MAGI3: variants seen among roughly 807,000 people sequenced by gnomAD.
MAGI3 encodes the protein membrane-associated guanylate kinase, WW and PDZ domain-containing protein 3.
In MAGI3, 43 loss-of-function variants were observed where a neutral mutation model predicts 121.8. That is an observed-to-expected ratio of 0.35 (90% CI 0.28 to 0.46). The LOEUF (loss-of-function observed/expected upper bound fraction) is 0.46, where lower values mean the gene tolerates loss of function less well. MAGI3 is among the 20% of genes least tolerant of loss of function. MAGI3 has a pLI of 1.00. For synonymous variants in MAGI3, 553 were observed against 639.3 expected (o/e 0.86, Z 2.04); for missense variants, 1,547 against 1,797.3 (o/e 0.86, Z 2.52).
intron 4 of MAGI3, among the ~76,000 whole-genome samples, chr1:113,587,585 C>G (rs925169278): frequency 2.6e-5 from 4 of 152,128 alleles, no homozygotes; most frequent in African/African-American, 9.7e-5. Flanking sequence ...TTTATTTGTG[C>G]ACACCAGTAT....
chr1:113,505,282 T>C (rs1209506710), intron 1 of MAGI3, among the ~76,000 whole-genome samples: 1 of 152,136 alleles, frequency 6.6e-6, no homozygotes, highest in Non-Finnish European at 1.5e-5. Context: ...TTAACATCTA[T>C]CTGTATTTTT....
In MAGI3 at chr1:113,488,321, C is replaced by G. The variant is rs1318006835; in HGVS notation, c.317-61194C>G. Among the ~76,000 whole-genome samples the G allele has an allele frequency of 3.3e-5, 5 of 152,222 alleles. No homozygotes were observed. The East Asian group carries it at 7.7e-4, about 23-fold the overall frequency. ...CAGCCATCCCCATAGGCTCAACTTGCTCCTATAGGAGTCTTTAGTGCTAGG... is the reference window on the plus strand; with the variant it reads ...CAGCCATCCCCATAGGCTCAACTTGGTCCTATAGGAGTCTTTAGTGCTAGG... On this transcript the variant is annotated intron_variant, in intron 1 of 20. Transcript: ENST00000307546.
At chr1:113,600,169 G>A (rs1649276956) in intron 6 of MAGI3, among the ~76,000 whole-genome samples, 1 of 152,154 alleles carries the variant, frequency 6.6e-6, no homozygotes, top group Non-Finnish European at 1.5e-5. Flanking sequence ...CACAAGACAG[G>A]GGTGCCCTCT....
chr1:113,572,896 C>T (rs1203003007), intron 2 of MAGI3, among the ~76,000 whole-genome samples: 1 of 151,370 alleles, frequency 6.6e-6, no homozygotes, highest in Non-Finnish European at 1.5e-5. Context: ...ATCTTCAGTT[C>T]TGCTTTGATC....
At chr1:113,529,023 A>G (rs1271074434) in intron 1 of MAGI3, among the ~76,000 whole-genome samples, 2 of 152,160 alleles carry the variant, frequency 1.3e-5, no homozygotes, top group Non-Finnish European at 2.9e-5. Flanking sequence ...TAGATCTTAT[A>G]TTTAGTTTTA....
At chr1:113,679,279 G>A (rs1465853839) in intron 19 of MAGI3, among the ~76,000 whole-genome samples, 12 of 151,876 alleles carry the variant, frequency 7.9e-5, no homozygotes, top group Admixed American at 2.0e-4. Context: ...TTGTATTCCC[G>A]TGTCTGTTGT....
intron 6 of MAGI3, 48 bp from the exon 7 acceptor site, chr1:113,614,553 T>C: frequency 7.3e-7 from 1 of 1,367,544 alleles, no homozygotes; most frequent in Non-Finnish European, 1.0e-6. Context: ...TGAATTCTTT[T>C]CTGTCAGTTT....
chr1:113,549,722 A>G (rs1252525465), intron 2 of MAGI3, 91 bp downstream of exon 2: 2 of 644,194 alleles, frequency 3.1e-6, no homozygotes, highest in East Asian at 2.9e-5. Flanking sequence ...AGTATTTCAC[A>G]TGAAATTGTG....
intron 1 of MAGI3, among the ~76,000 whole-genome samples, chr1:113,471,229 A>G (rs2101539595): frequency 6.6e-6 from 1 of 152,350 alleles, no homozygotes; most frequent in Middle Eastern, 3.4e-3. Flanking sequence ...GTTAGGGCAC[A>G]AAACAAGTTT....
chr1:113,437,864 CTCTTCT>C (rs1156555683), intron 1 of MAGI3, among the ~76,000 whole-genome samples: 1,332 of 55,954 alleles, frequency 0.024, 8 homozygotes, highest in East Asian at 0.035. Context: ...CTTCTTCTTC[CTCTTCT>C]TCTTCTTCTC....
At chr1:113,487,654 A>C (rs1416777509) in intron 1 of MAGI3, among the ~76,000 whole-genome samples, 2 of 152,124 alleles carry the variant, frequency 1.3e-5, no homozygotes, top group Non-Finnish European at 2.9e-5. Context: ...ATTGAAAATA[A>C]TACATTATAA....
At position 113,642,037 on chromosome 1, in the gene MAGI3, T is replaced by G; in HGVS notation, c.1487T>G (p.Leu496Arg). Reference sequence around the variant, plus strand: ...CTCACTTTATGTCGTGGTTATCCACTTCCTGATGACAGTGAAGATCCTGTT... The same window carrying G: ...CTCACTTTATGTCGTGGTTATCCACGTCCTGATGACAGTGAAGATCCTGTT... ...VNLTLCRGYP[L>R]PDDSEDPVVD... Residue 496 changes from leucine to arginine, a missense_variant, in exon 10 of 21, where the codon CTT (leucine) becomes CGT (arginine). Leu to Arg is a moderately radical substitution (Grantham distance 102). Coordinates refer to ENST00000307546, the MANE Select transcript of MAGI3 (RefSeq NM_001142782.2). The G allele has an allele frequency of 6.2e-7, 1 of 1,614,230 alleles. No individual in the cohort carries two copies. The highest frequency in any genetic ancestry group is 1.1e-5 in the South Asian group (1 of 91,090).
Position 113,641,786 on chromosome 1 carries a change from A to G in MAGI3, c.1361-125A>G, listed in dbSNP as rs139158268. The G allele has an allele frequency of 6.8e-4, 504 of 740,678 alleles. 1 individual carries two copies. Among genetic ancestry groups the G allele is most frequent in the Non-Finnish European group, 9.9e-4 (470 of 476,886 alleles). 45.9% of individuals were successfully genotyped at this position (740,678 alleles called of 1,614,324 possible). A position where few individuals can be genotyped will look rare whatever the true frequency, so the allele number is the denominator to read the frequency against. On this transcript the variant is annotated intron_variant, in intron 9 of 20. Coordinates refer to ENST00000307546, the MANE Select transcript of MAGI3 (RefSeq NM_001142782.2). ...GTCTGTGTTAGAAATCTATCTTTTC[A>G]GCAGTTAATAGAGGTTTCCAAAATT...
intron 1 of MAGI3, among the ~76,000 whole-genome samples, chr1:113,423,227 G>A (rs1652817769): frequency 7.0e-6 from 1 of 143,400 alleles, no homozygotes; most frequent in Admixed American, 7.2e-5. Context: ...CTGCAGGCAG[G>A]TTGTCCTGGT....
In MAGI3 at chr1:113,683,576, C is replaced by T. The variant is rs1318819992; in HGVS notation, c.4008C>T (p.Val1336=). The part of the protein sequence containing the change: ...QIPDGKEKSD[V]IRKDAKQNQL... ...CAGATGGGAAGGAAAAATCAGACGT[C>T]ATCAGGAAAGATGCAAAGCAGAATC... Residue 1336 remains valine (V), a synonymous_variant, in exon 21 of 21, where the codon GTC becomes GTT. Coordinates refer to ENST00000307546, the MANE Select transcript of MAGI3 (RefSeq NM_001142782.2). 1.2e-6 allele frequency: 2 copies of T among 1,613,808 alleles called. No homozygotes were observed. The highest frequency in any genetic ancestry group is 1.7e-5 in the Admixed American group (1 of 60,024).
At chr1:113,660,865 C>T (rs544553982) in intron 16 of MAGI3, among the ~76,000 whole-genome samples, 5 of 150,888 alleles carry the variant, frequency 3.3e-5, no homozygotes, top group Admixed American at 2.6e-4. Flanking sequence ...CAGCCTCCCA[C>T]AGTGCTAGTA....
At chr1:113,644,153 C>T (rs927201656) in intron 11 of MAGI3, among the ~76,000 whole-genome samples, 2 of 152,124 alleles carry the variant, frequency 1.3e-5, no homozygotes, top group East Asian at 1.9e-4. Context: ...CATCGTCTTG[C>T]CCCTGCCTGA....
rs878920845 is a variant in MAGI3, at chr1:113,649,393, G to A, written c.2247+65G>A. On this transcript the variant is annotated intron_variant, in intron 13 of 20. Coordinates refer to ENST00000307546, the MANE Select transcript of MAGI3 (RefSeq NM_001142782.2). ...AAACGTTTTGAGTGGTGATTTGGTG[G>A]ATTATGGTGTGTTTTAAGTTTTTTT... The A allele has an allele frequency of 9.7e-6, 11 of 1,137,582 alleles. No individual in the cohort carries two copies. The South Asian group carries it at 1.6e-4, about 16-fold the overall frequency. The allele number at this position is 1,137,582 out of a possible 1,614,324, so 70.5% of individuals were successfully genotyped here. A position where few individuals can be genotyped will look rare whatever the true frequency, so the allele number is the denominator to read the frequency against.
rs757318619 is a variant in MAGI3, at chr1:113,646,547, C to T, written c.2060C>T (p.Pro687Leu). ...LEAINEPIPQ[P>L]MPFPPSIIRS... ...GCCATAAATGAGCCTATTCCTCAGCCTATGCCTTTTCCACCGAGCATTATC... is the reference window on the plus strand; with the variant it reads ...GCCATAAATGAGCCTATTCCTCAGCTTATGCCTTTTCCACCGAGCATTATC... Residue 687 changes from proline to leucine, a missense_variant, in exon 12 of 21, where the codon CCT becomes CTT. By Grantham distance (98) the Pro-to-Leu change is moderately conservative. Coordinates refer to ENST00000307546, the MANE Select transcript of MAGI3 (RefSeq NM_001142782.2). 6.2e-7 allele frequency: 1 copy of T among 1,613,526 alleles called. No homozygotes were observed.
Sources: gnomAD v4.1 joint callset for allele counts (sites outside exome capture counted in the v4.1 genomes callset) on GRCh38, gnomAD v4.1.1 for gene constraint, MANE v1.5 for transcripts, NCBI Gene and HGNC (gene_info 2026-07-23, HGNC 2026-07-21) for gene names.